Variants in DSP observed in about 807,000 individuals in gnomAD.
DSP encodes the protein desmoplakin.
A neutral mutation model predicts 290.6 loss-of-function variants in DSP; 114 were observed. The observed-to-expected ratio is 0.39, with a 90% CI of 0.34 to 0.46. The LOEUF is 0.46. Ranked by LOEUF, DSP falls within the 20% of genes least tolerant of loss-of-function variation. The pLI, the probability that DSP is intolerant of heterozygous loss-of-function variation, is 0.99. For missense variants in DSP, 3,230 were observed against 3,495.8 expected, an observed-to-expected ratio of 0.92 and a Z score of 1.92; for synonymous variants, 1,311 against 1,316.4, an observed-to-expected ratio of 1.00 and a Z score of 0.09.
At position 7,565,713 on chromosome 6, in the gene DSP, A is replaced by G; in HGVS notation, c.939+193A>G. On this transcript the variant is annotated intron_variant, in intron 7 of 23. Transcript: ENST00000379802. The surrounding 1 kb of genome is among the most constrained non-coding windows in gnomAD (Gnocchi z 4.2). The stretch of plus-strand genomic sequence containing the variant: ...GGAGGCCATTATCCTTAGCAAACTT[A>G]TGCGGGAACAGAAAACCAAATACCA... The G allele has an allele frequency of 4.5e-6, 3 of 666,040 alleles. No individual in the cohort carries two copies. The highest frequency in any genetic ancestry group is 5.3e-5 in the Admixed American group (2 of 37,804). 41.3% of individuals were successfully genotyped at this position (666,040 alleles called of 1,614,324 possible). A position where few individuals can be genotyped will look rare whatever the true frequency, so the allele number is the denominator to read the frequency against.
rs1166179763 is a variant in DSP, at chr6:7,545,379, T to C, written c.170+3294T>C. Among the ~76,000 whole-genome samples, 9 of 152,300 alleles carry C rather than the reference T, an allele frequency of 5.9e-5. No homozygotes were observed. In the East Asian group the frequency reaches 1.7e-3, roughly 29 times the overall value. On this transcript the variant is annotated intron_variant, in intron 1 of 23. Transcript: ENST00000379802. ...CACGCACACTTCAGAGACAGGAAGCTGAGGACGTGCCGAAGATCCTAGAAT... is the reference window on the plus strand; with the variant it reads ...CACGCACACTTCAGAGACAGGAAGCCGAGGACGTGCCGAAGATCCTAGAAT...
intron 1 of DSP, among the ~76,000 whole-genome samples, chr6:7,549,413 T>C (rs1486654001): frequency 2.6e-5 from 4 of 152,184 alleles, no homozygotes; most frequent in African/African-American, 9.7e-5. Flanking sequence ...CCTCCTGAAG[T>C]GTTGGGATTA....
intron 13 of DSP, 26 bp downstream of exon 13, chr6:7,570,589 G>A (rs1759015885): frequency 6.2e-7 from 1 of 1,611,914 alleles, no homozygotes; most frequent in South Asian, 1.1e-5. Flanking sequence ...CACTTAGGCT[G>A]CCTGGAGGGA....
rs753254231 is a variant in DSP, at chr6:7,579,583, A to G, written c.3393A>G (p.Arg1131=). The G allele has an allele frequency of 1.2e-5, 19 of 1,613,980 alleles. No homozygotes were observed. The highest frequency in any genetic ancestry group is 1.4e-5 in the Non-Finnish European group (17 of 1,180,020). ...EKRRRKSVED[R]FDQQKNDYDQ... The stretch of plus-strand genomic sequence containing the variant: ...GAAGAAGAAAATCTGTGGAAGACAG[A>G]TTTGACCAACAGAAGAATGACTATG... The change falls in exon 23 of 24, where the codon AGA becomes AGG. Residue 1131 remains arginine (R), a synonymous_variant. Coordinates refer to ENST00000379802, the MANE Select transcript of DSP (RefSeq NM_004415.4). This position sits in a 1 kb window ranked among gnomAD's most constrained non-coding sequence, Gnocchi z 4.1.
At chr6:7,548,946 T>C (rs1461232112) in intron 1 of DSP, among the ~76,000 whole-genome samples, 6 of 152,204 alleles carry the variant, frequency 3.9e-5, no homozygotes, top group African/African-American at 1.4e-4. Context: ...GTTAAGTGTT[T>C]GTAGGAGTCC....
At chr6:7,570,894 T>C (rs1054648794) in intron 13 of DSP, among the ~76,000 whole-genome samples, 4 of 152,144 alleles carry the variant, frequency 2.6e-5, no homozygotes, top group Non-Finnish European at 4.4e-5. Flanking sequence ...AAGGATTAAC[T>C]GGGTATCACA....
chr6:7,584,502 G>C lies in DSP; in HGVS notation c.7240G>C (p.Gly2414Arg), dbSNP rs1194358112. ...ILSDPSDDTK[G>R]FFDPNTEENL... ...CTCAGATCCAAGTGATGATACCAAA[G>C]GATTTTTTGACCCCAACACTGAAGA... Residue 2414 changes from glycine to arginine, a missense_variant, in exon 24 of 24, where the codon GGA (glycine) becomes CGA (arginine). Coordinates refer to ENST00000379802, the MANE Select transcript of DSP (RefSeq NM_004415.4). The surrounding 1 kb of genome is among the most constrained non-coding windows in gnomAD (Gnocchi z 6.4). The C allele has an allele frequency of 6.2e-7, 1 of 1,614,112 alleles. No individual in the cohort carries two copies. Among genetic ancestry groups the C allele is most frequent in the Non-Finnish European group, 8.5e-7 (1 of 1,180,024 alleles).
Position 7,585,413 on chromosome 6 carries a change from G to A in DSP, c.8151G>A (p.Trp2717Ter). The A allele has an allele frequency of 6.2e-7, 1 of 1,614,148 alleles. No homozygotes were observed. The highest frequency in any genetic ancestry group is 8.5e-7 in the Non-Finnish European group (1 of 1,180,004). ...CAGCAGAGGCAGTGAAAGAAAAATGGCTCCCGTATGAGGCTGGCCAGCGCT... is the reference window on the plus strand; with the variant it reads ...CAGCAGAGGCAGTGAAAGAAAAATGACTCCCGTATGAGGCTGGCCAGCGCT... Reference protein sequence around the residue: ...MSAAEAVKEKWLPYEAGQRFL... With the variant: ...MSAAEAVKEK The change falls in exon 24 of 24, where the codon TGG (tryptophan) becomes TGA (stop). Residue 2717 changes from tryptophan to a stop codon, truncating the protein, a stop_gained. Coordinates refer to ENST00000379802, the MANE Select transcript of DSP (RefSeq NM_004415.4). LOFTEE classifies it high-confidence loss of function.
chr6:7,564,641 A>G (rs1283724978), intron 6 of DSP, among the ~76,000 whole-genome samples: 3 of 152,208 alleles, frequency 2.0e-5, no homozygotes, highest in Admixed American at 6.5e-5. Flanking sequence ...GTTAATGATA[A>G]TTTATTGTAT....
At chr6:7,543,463 C>T (rs917632196) in intron 1 of DSP, among the ~76,000 whole-genome samples, 3 of 121,166 alleles carry the variant, frequency 2.5e-5, no homozygotes, top group Non-Finnish European at 4.9e-5. Flanking sequence ...GTTTCCTGAA[C>T]AAAATGTGTC....
chr6:7,544,491 C>CTT (rs386406062), intron 1 of DSP, among the ~76,000 whole-genome samples: 31,360 of 142,628 alleles, frequency 0.22, 3,402 homozygotes, highest in East Asian at 0.33. Context: ...TTCTTTCTTT[C>CTT]TTTTTTTTTT....
intron 13 of DSP, 76 bp downstream of exon 13, chr6:7,570,639 C>A: frequency 1.3e-6 from 2 of 1,597,902 alleles, no homozygotes; most frequent in South Asian, 2.2e-5. Flanking sequence ...TCCAACAGTT[C>A]AACCTTCTTG....
chr6:7,553,198 G>A (rs1758393894), intron 1 of DSP, among the ~76,000 whole-genome samples: 1 of 152,046 alleles, frequency 6.6e-6, no homozygotes, highest in South Asian at 2.1e-4. Flanking sequence ...TTGAACTCCT[G>A]AGCTCAAGCA....
At chr6:7,545,585 G>A (rs1453211595) in intron 1 of DSP, among the ~76,000 whole-genome samples, 1 of 152,228 alleles carries the variant, frequency 6.6e-6, no homozygotes. Flanking sequence ...TGTGTTAAGT[G>A]TCAGGGGAGA....
chr6:7,570,034 A>T (rs1470430469), intron 12 of DSP, among the ~76,000 whole-genome samples: 1 of 152,228 alleles, frequency 6.6e-6, no homozygotes, highest in East Asian at 1.9e-4. Context: ...TCCATGGCAG[A>T]TTCCTTTAAA....
At chr6:7,571,725 G>A in intron 14 of DSP, 117 bp from the exon 15 acceptor site, 2 of 1,495,434 alleles carry the variant, frequency 1.3e-6, no homozygotes, top group Non-Finnish European at 1.9e-6. Flanking sequence ...TTTCAGAATT[G>A]ATTCTGAAAT....
Position 7,541,871 on chromosome 6 carries a change from C to A in DSP, c.-45C>A, listed in dbSNP as rs764279904. The A allele has an allele frequency of 5.7e-6, 9 of 1,578,666 alleles. No homozygotes were observed. In the South Asian group the frequency reaches 6.9e-5, roughly 12 times the overall value. Reference sequence around the variant, plus strand: ...CCGCTTTCTCCGCGCCGGCCCGCCTCGCTTATGCCTCGGCGCTGAGCCGCT... The same window carrying A: ...CCGCTTTCTCCGCGCCGGCCCGCCTAGCTTATGCCTCGGCGCTGAGCCGCT... On this transcript the variant is annotated 5_prime_UTR_variant, in exon 1 of 24. Transcript: ENST00000379802.
chr6:7,548,637 A>G (rs893895819), intron 1 of DSP, among the ~76,000 whole-genome samples: 2 of 152,210 alleles, frequency 1.3e-5, no homozygotes, highest in Non-Finnish European at 2.9e-5. Context: ...AAGAAGCAGA[A>G]CTTTTATTAG....
chr6:7,556,327 G>A (rs1459881847), intron 2 of DSP, among the ~76,000 whole-genome samples: 1 of 152,150 alleles, frequency 6.6e-6, no homozygotes, highest in Non-Finnish European at 1.5e-5. Context: ...ACCTTGCGAT[G>A]TTTCTTAAGA....
Sources: allele counts gnomAD v4.1 joint callset (sites outside exome capture counted in the v4.1 genomes callset), GRCh38; gene constraint gnomAD v4.1.1; non-coding constraint Gnocchi (gnomAD v3.1); transcripts MANE v1.5; gene names NCBI Gene and HGNC (gene_info 2026-07-23, HGNC 2026-07-21).